Variants in STAM observed in about 807,000 individuals in gnomAD.
The protein encoded by STAM is signal transducing adaptor molecule, also known as signal transducing adapter molecule 1.
In STAM, 16 loss-of-function variants were observed where a neutral mutation model predicts 63.4. That is an observed-to-expected ratio of 0.25 (90% CI 0.17 to 0.38). The LOEUF (loss-of-function observed/expected upper bound fraction) is 0.38. STAM is among the 10% of genes least tolerant of loss of function. The pLI is 1.00. For synonymous variants in STAM, 238 were observed against 223.9 expected, an observed-to-expected ratio of 1.06 and a Z score of -0.56; for missense variants, 636 against 657.1, an observed-to-expected ratio of 0.97 and a Z score of 0.35.
chr10:17,703,025 AAAGAAAAG>A (rs1263776454), intron 9 of STAM, among the ~76,000 whole-genome samples: 2 of 107,402 alleles, frequency 1.9e-5, no homozygotes, highest in Non-Finnish European at 3.9e-5. Flanking sequence ...AAAAAAAAAA[AAAGAAAAG>A]AAAAGAAAAG....
At position 17,708,887 on chromosome 10, in the gene STAM, G is replaced by C. The variant is rs916581461; in HGVS notation, c.1321G>C (p.Ala441Pro). The C allele has an allele frequency of 6.2e-7, 1 of 1,614,028 alleles. No individual in the cohort carries two copies. The highest frequency in any genetic ancestry group is 1.7e-5 in the Admixed American group (1 of 59,998). The change falls in exon 13 of 14, where the codon GCA becomes CCA. Residue 441 changes from alanine to proline, a missense_variant. By Grantham distance (27) the Ala-to-Pro change is conservative (BLOSUM62 -1). Transcript: ENST00000377524. ...PPEQLSSLSQ[A>P]VVPPSANPAL... Reference sequence around the variant, plus strand: ...GGAGCAGCTGTCTTCTCTCAGCCAGGCAGTGGTCCCACCATCCGCAAACCC... The same window carrying C: ...GGAGCAGCTGTCTTCTCTCAGCCAGCCAGTGGTCCCACCATCCGCAAACCC...
chr10:17,700,001 A>AG (rs1431977057), intron 8 of STAM, among the ~76,000 whole-genome samples, 190 bp from the exon 9 acceptor site: 1 of 152,232 alleles, frequency 6.6e-6, no homozygotes, highest in Non-Finnish European at 1.5e-5. Context: ...GAAAATTAAG[A>AG]AATCCAATTT....
chr10:17,677,564 T>A (rs570899365), intron 2 of STAM, among the ~76,000 whole-genome samples: 1 of 152,306 alleles, frequency 6.6e-6, no homozygotes, highest in Admixed American at 6.5e-5. Flanking sequence ...TAAGTCCAAC[T>A]GTGAAAAAGG....
intron 5 of STAM, among the ~76,000 whole-genome samples, chr10:17,688,964 G>A (rs781785813): frequency 2.0e-5 from 3 of 152,070 alleles, no homozygotes; most frequent in African/African-American, 4.8e-5. Context: ...ACTTTAGAAG[G>A]GGTAAATGGG....
chr10:17,669,884 C>CTT (rs76381388), intron 2 of STAM, among the ~76,000 whole-genome samples: 7,143 of 120,582 alleles, frequency 0.059, 257 homozygotes, highest in East Asian at 0.16. Flanking sequence ...CTTTTCTTTT[C>CTT]TTTTTTTTTT....
chr10:17,675,930 T>C (rs1834836440), intron 2 of STAM, among the ~76,000 whole-genome samples: 1 of 152,246 alleles, frequency 6.6e-6, no homozygotes, highest in East Asian at 1.9e-4. Context: ...CTCCATGTGG[T>C]GGAATCAGAT....
intron 12 of STAM, 111 bp from the exon 13 acceptor site, chr10:17,708,664 AT>A: frequency 2.7e-6 from 3 of 1,106,052 alleles, no homozygotes; most frequent in Non-Finnish European, 3.7e-6. Context: ...TGAAAAAAGG[AT>A]TCCAGAGTGG....
chr10:17,658,946 A>T (rs1028987754), intron 1 of STAM, among the ~76,000 whole-genome samples: 2 of 152,050 alleles, frequency 1.3e-5, no homozygotes, highest in Non-Finnish European at 2.9e-5. Flanking sequence ...CTGTTAATAT[A>T]CTTGTGTTAA....
chr10:17,672,046 A>G (rs1834662106), intron 2 of STAM, among the ~76,000 whole-genome samples: 1 of 152,202 alleles, frequency 6.6e-6, no homozygotes, highest in South Asian at 2.1e-4. Context: ...GCTATTTGAA[A>G]TAGGAGAATT....
At chr10:17,652,007 A>G (rs1251578588) in intron 1 of STAM, among the ~76,000 whole-genome samples, 4 of 152,202 alleles carry the variant, frequency 2.6e-5, no homozygotes, top group Non-Finnish European at 5.9e-5. Flanking sequence ...GGCTCTGTGT[A>G]TGTTTTTTCT....
At chr10:17,659,304 A>G (rs1834067456) in intron 1 of STAM, among the ~76,000 whole-genome samples, 1 of 152,074 alleles carries the variant, frequency 6.6e-6, no homozygotes, top group African/African-American at 2.4e-5. Flanking sequence ...GGAAGCATAC[A>G]TAAGAATATC....
rs2764805 is a variant in STAM at position 17,715,961 on chromosome 10, C to T, written c.*1181C>T. On this transcript the variant is annotated 3_prime_UTR_variant, in exon 14 of 14. Transcript: ENST00000377524. ...TTTATATAGGTATTGTTTTCTTTCA[C>T]ACTGGATTTTTGGGTTGCTCTTTCT... The T allele has an allele frequency of 4.6e-5, 7 of 152,400 alleles. No homozygotes were observed. Among genetic ancestry groups the T allele is most frequent in the Admixed American group, 2.0e-4 (3 of 15,262 alleles). 9.4% of individuals were successfully genotyped at this position (152,400 alleles called of 1,614,324 possible).
intron 2 of STAM, among the ~76,000 whole-genome samples, chr10:17,672,451 C>T (rs1373607228): frequency 6.6e-6 from 1 of 152,186 alleles, no homozygotes; most frequent in African/African-American, 2.4e-5. Flanking sequence ...TTTCCAGCCT[C>T]CTCAGATTTT....
intron 4 of STAM, among the ~76,000 whole-genome samples, chr10:17,686,950 G>T (rs548725890): frequency 1.3e-5 from 2 of 152,218 alleles, no homozygotes; most frequent in East Asian, 3.9e-4. Flanking sequence ...ATCTGTGAAG[G>T]TTTCTTTATA....
chr10:17,686,433 G>A (rs1297874063), intron 4 of STAM, among the ~76,000 whole-genome samples: 2 of 148,804 alleles, frequency 1.3e-5, no homozygotes, highest in African/African-American at 2.5e-5. Flanking sequence ...CTGGAGTACA[G>A]TGGCGTGATC....
intron 9 of STAM, among the ~76,000 whole-genome samples, chr10:17,704,160 A>T (rs1764222587): frequency 6.6e-6 from 1 of 152,182 alleles, no homozygotes; most frequent in Non-Finnish European, 1.5e-5. Flanking sequence ...TGGCGAGATC[A>T]TAGCTCACTG....
intron 2 of STAM, among the ~76,000 whole-genome samples, chr10:17,667,324 C>T (rs1401634106): frequency 3.3e-5 from 5 of 152,114 alleles, no homozygotes; most frequent in Admixed American, 1.3e-4. Context: ...GGGGTTTCAA[C>T]GTATTGGTCA....
chr10:17,708,347 C>T (rs543071196), intron 12 of STAM, among the ~76,000 whole-genome samples: 1 of 152,312 alleles, frequency 6.6e-6, no homozygotes, highest in Non-Finnish European at 1.5e-5. Context: ...TTAGCTTGCT[C>T]TATTGTTCAA....
Position 17,705,683 on chromosome 10 carries a change from A to G in STAM, c.1151A>G (p.Tyr384Cys), listed in dbSNP as rs1348782409. The G allele has an allele frequency of 1.9e-6, 3 of 1,613,886 alleles. No homozygotes were observed. Among genetic ancestry groups the G allele is most frequent in the South Asian group, 1.1e-5 (1 of 91,046 alleles). Residue 384 changes from tyrosine (Y) to cysteine (C), a missense_variant, in exon 12 of 14, where the codon TAT becomes TGT. Coordinates refer to ENST00000377524, the MANE Select transcript of STAM (RefSeq NM_003473.4). Reference sequence around the variant, plus strand: ...AACGAAGATCCGATGTATTCCATGTATGCAAAGTTACAGAATCAGCCATAT... The same window carrying G: ...AACGAAGATCCGATGTATTCCATGTGTGCAAAGTTACAGAATCAGCCATAT... ...LMNEDPMYSM[Y>C]AKLQNQPYYM...
Sources: gnomAD v4.1 joint callset for allele counts (sites outside exome capture counted in the v4.1 genomes callset) on GRCh38, gnomAD v4.1.1 for gene constraint, MANE v1.5 for transcripts, NCBI Gene and HGNC (gene_info 2026-07-23, HGNC 2026-07-21) for gene names.